Variants in TADA2B observed in about 807,000 individuals in gnomAD.
The protein encoded by TADA2B is transcriptional adaptor 2B, also known as transcriptional adapter 2-beta.
TADA2B carries 13 observed loss-of-function variants against 34.5 expected under a neutral mutation model. The ratio of observed to expected loss-of-function variants is 0.38; its 90% CI spans 0.25 to 0.60. The LOEUF (loss-of-function observed/expected upper bound fraction) is 0.60, where lower values mean the gene tolerates loss of function less well. Among genes scored for constraint, TADA2B ranks in the 20% least tolerant of loss-of-function variants. The pLI is 0.65. For missense variants in TADA2B, 442 were observed against 575.0 expected (o/e 0.77, Z 2.37); for synonymous variants, 240 against 243.4 (o/e 0.99, Z 0.13).
intron 1 of TADA2B, among the ~76,000 whole-genome samples, chr4:7,051,337 C>T (rs1723762983): frequency 6.7e-6 from 1 of 149,266 alleles, no homozygotes; most frequent in African/African-American, 2.4e-5. Flanking sequence ...TGGACCCCAG[C>T]CCCTAGCCTG....
rs1293528797 is a variant in TADA2B, at chr4:7,054,622, C to T, written c.831C>T (p.Asn277=). 1.2e-6 allele frequency: 2 copies of T among 1,613,764 alleles called. No homozygotes were observed. Among genetic ancestry groups the T allele is most frequent in the Non-Finnish European group, 1.7e-6 (2 of 1,179,892 alleles). Residue 277 remains asparagine (N), a synonymous_variant, in exon 2 of 2, where the codon AAC becomes AAT. Coordinates refer to ENST00000310074, the MANE Select transcript of TADA2B (RefSeq NM_152293.3). The part of the protein sequence containing the change: ...SCKEFDDLFE[N]MHKEKMLRAK... Reference sequence around the variant, plus strand: ...AGGAGTTTGATGACCTTTTTGAAAACATGCACAAAGAAAAAATGCTCCGGG... The same window carrying T: ...AGGAGTTTGATGACCTTTTTGAAAATATGCACAAAGAAAAAATGCTCCGGG...
chr4:7,057,597 G>C lies in TADA2B; in HGVS notation c.*2543G>C, dbSNP rs1187349937. The C allele has an allele frequency of 1.3e-5, 2 of 152,196 alleles. No individual in the cohort carries two copies. Among genetic ancestry groups the C allele is most frequent in the African/African-American group, 4.8e-5 (2 of 41,444 alleles). The allele number at this position is 152,196 out of a possible 1,614,324, so 9.4% of individuals were successfully genotyped here. A position where few individuals can be genotyped will look rare whatever the true frequency, so the allele number is the denominator to read the frequency against. ...AGGTCAAGAGATCGAGACCATCCTG[G>C]CCAACATGGTGAAACCCTGTCTCTA... On this transcript the variant is annotated 3_prime_UTR_variant, in exon 2 of 2. Coordinates refer to ENST00000310074, the MANE Select transcript of TADA2B (RefSeq NM_152293.3).
intron 1 of TADA2B, among the ~76,000 whole-genome samples, chr4:7,052,184 CG>C (rs1723788382): frequency 6.6e-6 from 1 of 152,240 alleles, no homozygotes; most frequent in Admixed American, 6.5e-5. Flanking sequence ...AAGCTGGTGT[CG>C]AGGGCTGGAG....
intron 1 of TADA2B, among the ~76,000 whole-genome samples, chr4:7,051,047 A>G (rs1021990970): frequency 1.3e-5 from 2 of 152,138 alleles, no homozygotes; most frequent in Non-Finnish European, 2.9e-5. Flanking sequence ...GGTGAGTGGG[A>G]TGATGGGCGT....
chr4:7,053,913 T>G, intron 1 of TADA2B, 149 bp from the exon 2 acceptor site: 1 of 793,982 alleles, frequency 1.3e-6, no homozygotes, highest in Non-Finnish European at 2.0e-6. Flanking sequence ...CATAAGACAG[T>G]GTGTGACTGA....
At position 7,043,770 on chromosome 4, in the gene TADA2B, C is replaced by G. The variant is rs1723546757; in HGVS notation, c.191C>G (p.Pro64Arg). ...VDGGRFTLWG[P>R]EAEGGWTSRE... is the part of the protein sequence containing the mutation. Reference sequence around the variant, plus strand: ...GGCGGGCGCTTCACGCTCTGGGGGCCCGAGGCCGAGGGCGGCTGGACCAGT... The same window carrying G: ...GGCGGGCGCTTCACGCTCTGGGGGCGCGAGGCCGAGGGCGGCTGGACCAGT... The change falls in exon 1 of 2, where the codon CCC (proline) becomes CGC (arginine). Residue 64 changes from proline to arginine, a missense_variant. By Grantham distance (103) the Pro-to-Arg change is moderately radical (BLOSUM62 -2). Around this residue, in one of 4 missense-constraint regions of TADA2B, gnomAD observed 102 missense variants for 177.2 expected, o/e 0.58. Transcript: ENST00000310074. 2 of 1,574,194 alleles carry G rather than the reference C, an allele frequency of 1.3e-6. No homozygotes were observed. The highest frequency in any genetic ancestry group is 1.4e-5 in the African/African-American group (1 of 73,380).
Position 7,054,949 on chromosome 4 carries a change from A to C in TADA2B, c.1158A>C (p.Gly386=). Residue 386 remains glycine (G), a synonymous_variant, in exon 2 of 2, where the codon GGA becomes GGC. Transcript: ENST00000310074. The part of the protein sequence containing the change: ...IIKDHLQKRQ[G]IPSKSRLPSY... ...AAGACCACCTCCAGAAGCGGCAAGG[A>C]ATCCCCTCCAAAAGCCGCCTTCCTA... 3 of 1,613,932 alleles carry C rather than the reference A, an allele frequency of 1.9e-6. No homozygotes were observed. Among genetic ancestry groups the C allele is most frequent in the Non-Finnish European group, 2.5e-6 (3 of 1,179,898 alleles).
chr4:7,055,348 C>A lies in TADA2B; in HGVS notation c.*294C>A. 3.2e-6 allele frequency: 1 copy of A among 308,226 alleles called. No individual in the cohort carries two copies. The highest frequency in any genetic ancestry group is 2.2e-5 in the African/African-American group (1 of 46,270). The allele number at this position is 308,226 out of a possible 1,614,324, so 19.1% of individuals were successfully genotyped here. On this transcript the variant is annotated 3_prime_UTR_variant, in exon 2 of 2. Coordinates refer to ENST00000310074, the MANE Select transcript of TADA2B (RefSeq NM_152293.3). Reference sequence around the variant, plus strand: ...AGCTTATTGTGAGATTGGATCATTTCCTTTTGAGTGTTCTTCTCTTTGGTA... The same window carrying A: ...AGCTTATTGTGAGATTGGATCATTTACTTTTGAGTGTTCTTCTCTTTGGTA...
intron 1 of TADA2B, among the ~76,000 whole-genome samples, chr4:7,048,878 G>A (rs1040167227): frequency 1.3e-5 from 2 of 152,172 alleles, no homozygotes; most frequent in Non-Finnish European, 2.9e-5. Flanking sequence ...GGGATCATCC[G>A]TGTTGTGGCA....
At position 7,043,721 on chromosome 4, in the gene TADA2B, T is replaced by C. The variant is rs1723544582; in HGVS notation, c.142T>C (p.Tyr48His). 6 of 1,588,756 alleles carry C rather than the reference T, an allele frequency of 3.8e-6. No homozygotes were observed. Among genetic ancestry groups the C allele is most frequent in the Non-Finnish European group, 5.1e-6 (6 of 1,173,158 alleles). Residue 48 changes from tyrosine (Y) to histidine (H), a missense_variant, in exon 1 of 2, where the codon TAC (tyrosine) becomes CAC (histidine). Physicochemically the swap from Tyr to His is moderately conservative, Grantham distance 83. Transcript: ENST00000310074. The part of the protein sequence containing the change: ...AGAEIGHHRR[Y>H]HGYQLVDGGR... ...CGCCGAGATCGGCCACCACCGCCGC[T>C]ACCACGGCTACCAGCTGGTGGACGG...
chr4:7,054,017 T>G, intron 1 of TADA2B, 45 bp from the exon 2 acceptor site: 2 of 1,510,622 alleles, frequency 1.3e-6, no homozygotes, highest in South Asian at 2.6e-5. Flanking sequence ...AACCCAAATC[T>G]GGCACCCTGA....
chr4:7,052,470 T>C (rs549129857), intron 1 of TADA2B, among the ~76,000 whole-genome samples: 4 of 152,236 alleles, frequency 2.6e-5, no homozygotes, highest in Non-Finnish European at 5.9e-5. Flanking sequence ...CATGAGTTCC[T>C]GGTGGCGTCT....
At position 7,054,807 on chromosome 4, in the gene TADA2B, T is replaced by C; in HGVS notation, c.1016T>C (p.Phe339Ser). Residue 339 changes from phenylalanine to serine, a missense_variant, in exon 2 of 2, where the codon TTC (phenylalanine) becomes TCC (serine). Physicochemically the swap from Phe to Ser is radical, Grantham distance 155. Transcript: ENST00000310074. The stretch of plus-strand genomic sequence containing the variant: ...AAGGAGGACGGCAAAGACAGCGAGT[T>C]CGCCGCCATTGAGAACCTTCCAGGC... ...RGKEDGKDSE[F>S]AAIENLPGFE... The C allele has an allele frequency of 1.2e-6, 2 of 1,613,856 alleles. No homozygotes were observed. The highest frequency in any genetic ancestry group is 1.7e-6 in the Non-Finnish European group (2 of 1,179,884).
intron 1 of TADA2B, chr4:7,053,175 T>C (rs1723806931): frequency 6.6e-6 from 1 of 152,374 alleles, no homozygotes; most frequent in East Asian, 1.9e-4. Context: ...GTGCGCACTT[T>C]GGGCAGTTAC....
chr4:7,045,793 ACTGT>A (rs1220375902), intron 1 of TADA2B: 1 of 152,140 alleles, frequency 6.6e-6, no homozygotes, highest in Non-Finnish European at 1.5e-5. Context: ...TCTTAACTTC[ACTGT>A]CTGCACTGCC....
intron 1 of TADA2B, chr4:7,046,120 T>A (rs529771645): frequency 4.6e-5 from 7 of 152,318 alleles, no homozygotes; most frequent in African/African-American, 1.7e-4. Flanking sequence ...AGAGCCTGCA[T>A]TGCAACCAGG....
At chr4:7,053,797 C>A in intron 1 of TADA2B, 3 of 452,712 alleles carry the variant, frequency 6.6e-6, no homozygotes, top group South Asian at 3.2e-5. Flanking sequence ...CCAGCTCACC[C>A]CAAGACCTTG....
intron 1 of TADA2B, among the ~76,000 whole-genome samples, chr4:7,047,976 G>A (rs769422367): frequency 2.6e-5 from 4 of 152,150 alleles, no homozygotes; most frequent in African/African-American, 7.2e-5. Flanking sequence ...TTTTACAAAC[G>A]AGGAAACAAC....
intron 1 of TADA2B, among the ~76,000 whole-genome samples, chr4:7,049,326 G>A (rs1451298340): frequency 6.6e-6 from 1 of 152,186 alleles, no homozygotes; most frequent in East Asian, 1.9e-4. Context: ...TGATCCTCCC[G>A]CCTCAGCCCC....
Sources: allele counts gnomAD v4.1 joint callset (sites outside exome capture counted in the v4.1 genomes callset), GRCh38; gene constraint gnomAD v4.1.1; regional missense constraint gnomAD v4.1.1; transcripts MANE v1.5; gene names NCBI Gene and HGNC (gene_info 2026-07-23, HGNC 2026-07-21).